SLC1A3: variants seen among roughly 807,000 people sequenced by gnomAD.
The protein encoded by SLC1A3 is solute carrier family 1 member 3.
Under a neutral mutation model 48.1 loss-of-function variants are expected in SLC1A3, and 21 were observed. The ratio of observed to expected loss-of-function variants is 0.44; its 90% CI spans 0.31 to 0.63. The LOEUF is 0.63. Among genes scored for constraint, SLC1A3 ranks in the 20% least tolerant of loss-of-function variants. The pLI is 0.08. For missense variants in SLC1A3, 546 were observed against 689.0 expected (o/e 0.79, Z 2.32); for synonymous variants, 239 against 251.4 (o/e 0.95, Z 0.47).
chr5:36,618,865 G>A (rs1271513454), intron 2 of SLC1A3, among the ~76,000 whole-genome samples: 2 of 152,180 alleles, frequency 1.3e-5, no homozygotes. Flanking sequence ...AAATAACAAT[G>A]GATTGGACAT....
chr5:36,624,950 G>A (rs1286505750), intron 2 of SLC1A3, among the ~76,000 whole-genome samples: 3 of 152,198 alleles, frequency 2.0e-5, no homozygotes, highest in Non-Finnish European at 2.9e-5. Flanking sequence ...CGTTCACCAT[G>A]TAGGAGTTCA....
In SLC1A3 at chr5:36,629,454, A is replaced by G; in HGVS notation, c.186A>G (p.Thr62=). 1.2e-6 allele frequency: 2 copies of G among 1,609,826 alleles called. No homozygotes were observed. The highest frequency in any genetic ancestry group is 8.5e-7 in the Non-Finnish European group (1 of 1,178,724). The change falls in exon 3 of 10, where the codon ACA becomes ACG. Residue 62 remains threonine, a synonymous_variant. Transcript: ENST00000265113. ...TTTTTTTTTTTTTTCCTTCAGGTAC[A>G]ATCCTTGGATTTACCCTCCGACCAT... The part of the protein sequence containing the change: ...LLTVTAVIVG[T]ILGFTLRPYR...
chr5:36,664,401 G>A (rs890677108), intron 3 of SLC1A3, among the ~76,000 whole-genome samples: 6 of 148,168 alleles, frequency 4.0e-5, no homozygotes, highest in Non-Finnish European at 9.0e-5. Flanking sequence ...CCAAAGTGCT[G>A]GAATTACAGG....
Position 36,679,643 on chromosome 5 carries a change from A to C in SLC1A3, c.877A>C (p.Ile293Leu). ...AVIMWYAPVG[I>L]LFLIAGKIVE... is the part of the protein sequence containing the mutation. Reference sequence around the variant, plus strand: ...TCTCCCCAGGTATGCCCCCGTGGGTATTCTCTTCCTGATTGCTGGGAAGAT... The same window carrying C: ...TCTCCCCAGGTATGCCCCCGTGGGTCTTCTCTTCCTGATTGCTGGGAAGAT... Residue 293 changes from isoleucine (I) to leucine (L), a missense_variant, in exon 7 of 10, where the codon ATT becomes CTT. Transcript: ENST00000265113. 1.9e-6 allele frequency: 3 copies of C among 1,613,836 alleles called. No homozygotes were observed.
At chr5:36,642,107 T>C (rs1281725446) in intron 3 of SLC1A3, among the ~76,000 whole-genome samples, 1 of 152,224 alleles carries the variant, frequency 6.6e-6, no homozygotes. Flanking sequence ...TCTATAAACC[T>C]TTTTTCTCCG....
intron 3 of SLC1A3, among the ~76,000 whole-genome samples, chr5:36,645,630 T>C (rs1740811961): frequency 6.6e-6 from 1 of 152,120 alleles, no homozygotes; most frequent in Non-Finnish European, 1.5e-5. Flanking sequence ...CGGCCCTCCA[T>C]TGCCTTTTGA....
rs58364211 is a variant in SLC1A3, at chr5:36,681,802, C to T, written c.1289+1213C>T. On this transcript the variant is annotated intron_variant, in intron 8 of 9. Coordinates refer to ENST00000265113, the MANE Select transcript of SLC1A3 (RefSeq NM_004172.5). ...GCCTCACTATCCAGATCAGCCTCTG[C>T]TCTTCATTGTTGTGGGGTTTTTTTT... 2.7e-3 allele frequency among the ~76,000 whole-genome samples: 412 copies of T among 152,316 alleles called. 1 individual carries two copies. The highest frequency in any genetic ancestry group is 8.9e-3 in the African/African-American group (369 of 41,560).
rs375530997 is a variant in SLC1A3 at position 36,678,873 on chromosome 5, A to G, written c.861-754A>G. On this transcript the variant is annotated intron_variant, in intron 6 of 9. Transcript: ENST00000265113. The stretch of plus-strand genomic sequence containing the variant: ...TGATTGCAGTAGTACATACATGCAC[A>G]TTATTAAGTTTAATAATGAATTTAT... Among the ~76,000 whole-genome samples the G allele has an allele frequency of 1.1e-4, 17 of 152,372 alleles. No individual in the cohort carries two copies. In the East Asian group the frequency reaches 2.5e-3, roughly 22 times the overall value.
In SLC1A3 at chr5:36,629,687, T is replaced by C; in HGVS notation, c.319+100T>C. ...GTGCTTTAGGTTTCTGCTGGATGCA[T>C]GCTCTGTTCTAGAAAAAAAAAAAAA... is the stretch of plus-strand genomic sequence containing the variant. On this transcript the variant is annotated intron_variant, in intron 3 of 9. Coordinates refer to ENST00000265113, the MANE Select transcript of SLC1A3 (RefSeq NM_004172.5). The C allele has an allele frequency of 5.9e-6, 6 of 1,014,790 alleles. No individual in the cohort carries two copies. In the South Asian group the frequency reaches 7.7e-5, roughly 13 times the overall value. The allele number at this position is 1,014,790 out of a possible 1,614,324, so 62.9% of individuals were successfully genotyped here. A position where few individuals can be genotyped will look rare whatever the true frequency, so the allele number is the denominator to read the frequency against.
intron 3 of SLC1A3, among the ~76,000 whole-genome samples, chr5:36,640,420 T>C (rs1740568537): frequency 6.6e-6 from 1 of 152,252 alleles, no homozygotes; most frequent in Non-Finnish European, 1.5e-5. Context: ...ATACTACCAG[T>C]GTAACACTCT....
At chr5:36,670,935 G>A in intron 3 of SLC1A3, 94 bp from the exon 4 acceptor site, 1 of 1,066,762 alleles carries the variant, frequency 9.4e-7, no homozygotes, top group South Asian at 1.3e-5. Context: ...TGGGATAAGG[G>A]TAGGGGAGTA....
chr5:36,676,167 C>A (rs914755049), intron 5 of SLC1A3, among the ~76,000 whole-genome samples: 5 of 152,202 alleles, frequency 3.3e-5, no homozygotes, highest in Non-Finnish European at 4.4e-5. Context: ...AATCAGGCAC[C>A]TATTCTTAAG....
intron 6 of SLC1A3, among the ~76,000 whole-genome samples, chr5:36,678,484 G>A (rs979021639): frequency 1.3e-5 from 2 of 152,210 alleles, no homozygotes; most frequent in South Asian, 2.1e-4. Flanking sequence ...CACATTCAAC[G>A]CTGAGTTATT....
chr5:36,643,458 A>T (rs1740700266), intron 3 of SLC1A3, among the ~76,000 whole-genome samples: 1 of 152,220 alleles, frequency 6.6e-6, no homozygotes, highest in East Asian at 1.9e-4. Flanking sequence ...TCATTCATAC[A>T]TCTTCTTTAG....
chr5:36,660,028 C>T (rs1741440736), intron 3 of SLC1A3, among the ~76,000 whole-genome samples: 1 of 152,160 alleles, frequency 6.6e-6, no homozygotes, highest in Admixed American at 6.5e-5. Flanking sequence ...TTCTTCTATT[C>T]CATACTTCTC....
chr5:36,662,917 A>G (rs1406545051), intron 3 of SLC1A3, among the ~76,000 whole-genome samples: 1 of 152,210 alleles, frequency 6.6e-6, no homozygotes, highest in East Asian at 1.9e-4. Context: ...GGCAGTCTCC[A>G]CCCCAAAGGT....
chr5:36,644,705 C>T (rs1318920859), intron 3 of SLC1A3, among the ~76,000 whole-genome samples: 1 of 152,204 alleles, frequency 6.6e-6, no homozygotes, highest in East Asian at 1.9e-4. Flanking sequence ...CAGTTAATCA[C>T]TTTTACACTG....
intron 3 of SLC1A3, among the ~76,000 whole-genome samples, chr5:36,648,491 A>C (rs1363988373): frequency 6.6e-6 from 1 of 152,198 alleles, no homozygotes. Flanking sequence ...CTTCCTCAGA[A>C]TAGTCTGGGA....
chr5:36,598,927 C>T (rs2111627670), intron 1 of SLC1A3, among the ~76,000 whole-genome samples: 1 of 152,198 alleles, frequency 6.6e-6, no homozygotes, highest in African/African-American at 2.4e-5. Context: ...GGTGCCCAAC[C>T]AAAATTAATT....
Sources: gnomAD v4.1 joint callset for allele counts (sites outside exome capture counted in the v4.1 genomes callset) on GRCh38, gnomAD v4.1.1 for gene constraint, MANE v1.5 for transcripts, NCBI Gene and HGNC (gene_info 2026-07-23, HGNC 2026-07-21) for gene names.